ALG8: variants seen among roughly 807,000 people sequenced by gnomAD.
ALG8 encodes the protein dolichyl pyrophosphate Glc1Man9GlcNAc2 alpha-1,3-glucosyltransferase.
ALG8 carries 48 observed loss-of-function variants against 70.2 expected under a neutral mutation model. The observed-to-expected ratio is 0.68, with a 90% CI of 0.54 to 0.87. ALG8 has a LOEUF of 0.87. Among genes scored for constraint, ALG8 ranks in the 40% least tolerant of loss-of-function variants. The pLI, the probability that ALG8 is intolerant of heterozygous loss-of-function variation, is 0.00. For synonymous variants in ALG8, 234 were observed against 229.0 expected (o/e 1.02, Z -0.20); for missense variants, 572 against 608.7 (o/e 0.94, Z 0.64).
intron 12 of ALG8, among the ~76,000 whole-genome samples, chr11:78,101,788 G>A (rs2136869888): frequency 6.6e-6 from 1 of 152,248 alleles, no homozygotes; most frequent in South Asian, 2.1e-4. Flanking sequence ...TAAAGGGGTT[G>A]GGTGCTGTGA....
At chr11:78,133,070 C>T (rs369272278) in intron 1 of ALG8, among the ~76,000 whole-genome samples, 3 of 152,024 alleles carry the variant, frequency 2.0e-5, no homozygotes, top group East Asian at 1.9e-4. Flanking sequence ...CTCCTGACCT[C>T]GTGATCCGCC....
At chr11:78,131,467 G>C (rs1288253649) in intron 1 of ALG8, among the ~76,000 whole-genome samples, 1 of 152,100 alleles carries the variant, frequency 6.6e-6, no homozygotes, top group Non-Finnish European at 1.5e-5. Flanking sequence ...AGCTGGTGTG[G>C]TGGTGTGCAC....
chr11:78,117,586 A>T (rs945798531), intron 5 of ALG8, among the ~76,000 whole-genome samples: 3 of 149,562 alleles, frequency 2.0e-5, no homozygotes, highest in African/African-American at 7.4e-5. Context: ...CAGCCTGGAC[A>T]ACATAGTGAA....
intron 10 of ALG8, among the ~76,000 whole-genome samples, chr11:78,105,671 A>G (rs1208505993): frequency 6.6e-6 from 1 of 151,262 alleles, no homozygotes; most frequent in Non-Finnish European, 1.5e-5. Context: ...AAGAAAGGAA[A>G]AAAAAGGGAA....
At chr11:78,128,706 G>T (rs1861183932) in intron 1 of ALG8, among the ~76,000 whole-genome samples, 1 of 151,472 alleles carries the variant, frequency 6.6e-6, no homozygotes, top group Non-Finnish European at 1.5e-5. Context: ...CGTCTCCCAG[G>T]TTCAAACGAC....
At chr11:78,101,490 A>G (rs1332422208) in intron 12 of ALG8, among the ~76,000 whole-genome samples, 2 of 152,132 alleles carry the variant, frequency 1.3e-5, no homozygotes, top group Non-Finnish European at 2.9e-5. Context: ...TTAGCCGACC[A>G]GGGTGGCACA....
chr11:78,113,810 T>C (rs1169892892), intron 7 of ALG8, 76 bp downstream of exon 7: 13 of 1,213,126 alleles, frequency 1.1e-5, no homozygotes, highest in Middle Eastern at 2.0e-4. Flanking sequence ...ATTTTACATA[T>C]TCCTGGCTTT....
rs370160245 is a variant in ALG8 at position 78,101,060 on chromosome 11, G to C, written c.1485C>G (p.Thr495=). 18 of 1,614,072 alleles carry C rather than the reference G, an allele frequency of 1.1e-5. No homozygotes were observed. The African/African-American group carries it at 1.9e-4, about 17-fold the overall frequency. ...VKYPFIPLLL[T]SVYCAVGITY... ...TGATGCCTACTGCACAATACACTGA[G>C]GTTAGTAACAAAGGGATGAAGGGGT... The change falls in exon 13 of 13, where the codon ACC becomes ACG. Residue 495 remains threonine (T), a synonymous_variant. Coordinates refer to ENST00000299626, the MANE Select transcript of ALG8 (RefSeq NM_024079.5).
chr11:78,119,995 G>C lies in ALG8; in HGVS notation c.479-746C>G, dbSNP rs571952527. On this transcript the variant is annotated intron_variant, in intron 4 of 12. Transcript: ENST00000299626. ...CACACACCTGTAGTCCCAGCTACTC[G>C]GGAGGCTGAAGCATGAGAATCACCT... is the stretch of plus-strand genomic sequence containing the variant. 4.9e-4 allele frequency among the ~76,000 whole-genome samples: 74 copies of C among 151,928 alleles called. 1 individual carries two copies. The highest frequency in any genetic ancestry group is 3.5e-3 in the Admixed American group (53 of 15,248).
chr11:78,123,733 G>C (rs371406313), intron 3 of ALG8, among the ~76,000 whole-genome samples: 135 of 152,210 alleles, frequency 8.9e-4, no homozygotes, highest in African/African-American at 3.1e-3. Flanking sequence ...AGCTATTCTG[G>C]GTGGGAGAAA....
chr11:78,115,510 G>A (rs1324711313), intron 5 of ALG8, among the ~76,000 whole-genome samples: 6 of 151,696 alleles, frequency 4.0e-5, no homozygotes, highest in Non-Finnish European at 5.9e-5. Flanking sequence ...AGCCTCCCAA[G>A]TAGCTGGGAT....
intron 5 of ALG8, among the ~76,000 whole-genome samples, chr11:78,116,276 A>C (rs1402571221): frequency 6.6e-6 from 1 of 152,038 alleles, no homozygotes; most frequent in Non-Finnish European, 1.5e-5. Context: ...CACGAGAATC[A>C]CGTGAGGTGG....
At chr11:78,110,614 C>T (rs1268359596) in intron 8 of ALG8, among the ~76,000 whole-genome samples, 1 of 152,158 alleles carries the variant, frequency 6.6e-6, no homozygotes, top group African/African-American at 2.4e-5. Context: ...ATCCCCAGTA[C>T]ATAGGAGCTC....
chr11:78,136,304 A>G (rs1453532518), intron 1 of ALG8, among the ~76,000 whole-genome samples: 2 of 141,770 alleles, frequency 1.4e-5, no homozygotes, highest in East Asian at 4.2e-4. Context: ...CTCTACCAAA[A>G]AGAAAAAAAA....
intron 1 of ALG8, among the ~76,000 whole-genome samples, chr11:78,131,655 G>T (rs988409220): frequency 6.6e-6 from 1 of 151,988 alleles, no homozygotes; most frequent in Non-Finnish European, 1.5e-5. Flanking sequence ...TTGTAGAGAC[G>T]GGGTTTCATT....
chr11:78,121,477 C>G (rs532377193), intron 3 of ALG8, among the ~76,000 whole-genome samples: 24 of 123,994 alleles, frequency 1.9e-4, no homozygotes, highest in Non-Finnish European at 3.8e-4. Context: ...CCTGGCTACT[C>G]AGGAGGCTGA....
At chr11:78,110,352 C>T (rs1445515087) in intron 8 of ALG8, among the ~76,000 whole-genome samples, 3 of 152,098 alleles carry the variant, frequency 2.0e-5, no homozygotes, top group South Asian at 2.1e-4. Flanking sequence ...CCACCATGCC[C>T]GGCTAATTTT....
At chr11:78,138,266 T>C (rs892615968) in intron 1 of ALG8, among the ~76,000 whole-genome samples, 2 of 151,798 alleles carry the variant, frequency 1.3e-5, no homozygotes, top group African/African-American at 4.8e-5. Context: ...GGAGAATCGT[T>C]TGAACCCGGG....
intron 2 of ALG8, among the ~76,000 whole-genome samples, chr11:78,124,864 C>T (rs1860993409): frequency 6.6e-6 from 1 of 152,104 alleles, no homozygotes; most frequent in Admixed American, 6.6e-5. Flanking sequence ...TAGAAACTAT[C>T]CTTTATCATT....
Sources: gnomAD v4.1 joint callset for allele counts (sites outside exome capture counted in the v4.1 genomes callset) on GRCh38, gnomAD v4.1.1 for gene constraint, MANE v1.5 for transcripts, NCBI Gene and HGNC (gene_info 2026-07-23, HGNC 2026-07-21) for gene names.